The following GRM5 variants were observed in gnomAD, a reference collection of about 807,000 sequenced individuals.
GRM5 encodes metabotropic glutamate receptor 5.
Under a neutral mutation model 83.1 loss-of-function variants are expected in GRM5, and 19 were observed. That is an observed-to-expected ratio of 0.23 (90% CI 0.16 to 0.34). GRM5 has a LOEUF of 0.34. Ranked by LOEUF, GRM5 falls within the 10% of genes least tolerant of loss-of-function variation. GRM5 has a pLI of 1.00. For missense variants in GRM5, 1,160 were observed against 1,588.3 expected (o/e 0.73, Z 4.58); for synonymous variants, 675 against 633.6 (o/e 1.07, Z -0.98).
chr11:88,769,105 G>A (rs1275816399), intron 3 of GRM5, among the ~76,000 whole-genome samples: 1 of 151,958 alleles, frequency 6.6e-6, no homozygotes, highest in African/African-American at 2.4e-5. Context: ...GGGATATGGG[G>A]TAACAATTCT....
At chr11:88,833,517 C>A (rs1017129040) in intron 3 of GRM5, among the ~76,000 whole-genome samples, 2 of 150,982 alleles carry the variant, frequency 1.3e-5, no homozygotes, top group Non-Finnish European at 2.9e-5. Flanking sequence ...AAGGGAAAGA[C>A]AATATTGGTA....
intron 3 of GRM5, among the ~76,000 whole-genome samples, chr11:88,847,299 G>A (rs1805520957): frequency 6.6e-6 from 1 of 152,122 alleles, no homozygotes; most frequent in Admixed American, 6.5e-5. Flanking sequence ...AATAATTATT[G>A]TTTTTTTGCT....
intron 3 of GRM5, among the ~76,000 whole-genome samples, chr11:88,816,418 A>AG (rs1943683338): frequency 6.6e-6 from 1 of 151,002 alleles, no homozygotes; most frequent in Non-Finnish European, 1.5e-5. Context: ...ACGTGCCTGT[A>AG]GTCCCAGCTA....
chr11:88,902,614 C>A (rs985957336), intron 2 of GRM5, among the ~76,000 whole-genome samples: 2 of 152,058 alleles, frequency 1.3e-5, no homozygotes, highest in African/African-American at 4.8e-5. Context: ...AGCTTACATT[C>A]TCTCAAAGGG....
chr11:88,908,508 T>A (rs1945440499), intron 2 of GRM5, among the ~76,000 whole-genome samples: 1 of 152,140 alleles, frequency 6.6e-6, no homozygotes, highest in Admixed American at 6.6e-5. Flanking sequence ...TAAACCCAGA[T>A]TCGGTAACTA....
intron 3 of GRM5, among the ~76,000 whole-genome samples, chr11:88,808,676 T>A (rs187556464): frequency 1.2e-4 from 19 of 152,058 alleles, no homozygotes; most frequent in Non-Finnish European, 2.4e-4. Context: ...TAAAATATTA[T>A]TGCAAGAAAG....
intron 3 of GRM5, among the ~76,000 whole-genome samples, chr11:88,683,519 T>C (rs888874895): frequency 9.8e-5 from 15 of 152,362 alleles, no homozygotes; most frequent in Admixed American, 3.3e-4. Context: ...AAGCTATGCA[T>C]GGAACTTTCA....
At chr11:89,010,054 T>C (rs936442366) in intron 2 of GRM5, among the ~76,000 whole-genome samples, 3 of 149,200 alleles carry the variant, frequency 2.0e-5, no homozygotes, top group African/African-American at 7.3e-5. Context: ...ATATTATATG[T>C]ATACATGTAT....
chr11:88,585,819 T>C (rs984255849), intron 7 of GRM5, among the ~76,000 whole-genome samples: 9 of 152,166 alleles, frequency 5.9e-5, no homozygotes, highest in Non-Finnish European at 7.4e-5. Flanking sequence ...ACTGCTAGCA[T>C]AGGTACCTGT....
In GRM5 at chr11:88,956,619, A is replaced by G. The variant is rs544352496; in HGVS notation, c.661+90593T>C. ...CAGGAAATCGAGACCATCCTGGCTA[A>G]CACGGTGAAACCCCGTCTCTACTAA... On this transcript the variant is annotated intron_variant, in intron 2 of 9. Coordinates refer to ENST00000305447, the MANE Select transcript of GRM5 (RefSeq NM_001143831.3). 1.1e-4 allele frequency among the ~76,000 whole-genome samples: 17 copies of G among 151,612 alleles called. No individual in the cohort carries two copies. In the East Asian group the frequency reaches 3.3e-3, roughly 29 times the overall value.
At chr11:88,655,654 C>T (rs917302599) in intron 3 of GRM5, among the ~76,000 whole-genome samples, 37 of 148,730 alleles carry the variant, frequency 2.5e-4, no homozygotes, top group Non-Finnish European at 1.0e-4. Flanking sequence ...ACTGATCTCT[C>T]ATCATGTACT....
chr11:88,823,929 T>G (rs1943847181), intron 3 of GRM5, among the ~76,000 whole-genome samples: 1 of 152,182 alleles, frequency 6.6e-6, no homozygotes, highest in East Asian at 1.9e-4. Context: ...AAACTTTTTA[T>G]TATTCTTGCT....
chr11:88,825,313 A>G lies in GRM5; in HGVS notation c.911+24593T>C, dbSNP rs535535407. Among the ~76,000 whole-genome samples, 30 of 152,022 alleles carry G rather than the reference A, an allele frequency of 2.0e-4. 1 individual carries two copies. The South Asian group carries it at 5.8e-3, about 29-fold the overall frequency. On this transcript the variant is annotated intron_variant, in intron 3 of 9. Transcript: ENST00000305447. ...GTTGATGTATATTGTTTTTGTGAACACCCCTCAAATAAGATTGAAACAGTT... is the reference window on the plus strand; with the variant it reads ...GTTGATGTATATTGTTTTTGTGAACGCCCCTCAAATAAGATTGAAACAGTT...
intron 3 of GRM5, among the ~76,000 whole-genome samples, chr11:88,773,954 T>A (rs1942792910): frequency 6.6e-6 from 1 of 152,232 alleles, no homozygotes; most frequent in African/African-American, 2.4e-5. Context: ...TGGTTCCATA[T>A]GAACTTTAAA....
intron 2 of GRM5, among the ~76,000 whole-genome samples, chr11:89,007,556 GA>G (rs1247094016): frequency 1.3e-5 from 2 of 152,190 alleles, no homozygotes; most frequent in African/African-American, 4.8e-5. Context: ...GGAGAAAAGT[GA>G]TGCTGGGGGA....
At chr11:88,582,640 T>G (rs1943235364) in intron 7 of GRM5, among the ~76,000 whole-genome samples, 1 of 152,206 alleles carries the variant, frequency 6.6e-6, no homozygotes, top group Admixed American at 6.5e-5. Context: ...TCATCAAAAC[T>G]CATCAGAAAT....
chr11:88,732,757 T>G (rs1941832848), intron 3 of GRM5, among the ~76,000 whole-genome samples: 1 of 151,978 alleles, frequency 6.6e-6, no homozygotes, highest in Admixed American at 6.6e-5. Context: ...ATGCAAAATT[T>G]TATTGGCTCA....
intron 2 of GRM5, among the ~76,000 whole-genome samples, chr11:88,973,583 C>T (rs1298467582): frequency 6.6e-6 from 1 of 152,126 alleles, no homozygotes; most frequent in Non-Finnish European, 1.5e-5. Flanking sequence ...AAGCAAGGAA[C>T]AGATCTCTCT....
intron 2 of GRM5, among the ~76,000 whole-genome samples, chr11:88,983,023 G>A (rs1237732923): frequency 2.0e-5 from 3 of 152,120 alleles, no homozygotes; most frequent in Non-Finnish European, 4.4e-5. Flanking sequence ...CTGAGATCAC[G>A]CCACTGCACT....
Sources: allele counts gnomAD v4.1 joint callset (sites outside exome capture counted in the v4.1 genomes callset), GRCh38; gene constraint gnomAD v4.1.1; transcripts MANE v1.5; gene names NCBI Gene and HGNC (gene_info 2026-07-23, HGNC 2026-07-21).